PDCL2: variants seen among roughly 807,000 people sequenced by gnomAD.
The protein encoded by PDCL2 is phosducin like 2, also known as phosducin-like protein 2.
A neutral mutation model predicts 30.3 loss-of-function variants in PDCL2; 23 were observed. That is an observed-to-expected ratio of 0.76 (90% CI 0.55 to 1.08). The LOEUF is 1.08. PDCL2 is among the 50% of genes least tolerant of loss of function. The pLI, the probability that PDCL2 is intolerant of heterozygous loss-of-function variation, is 0.00. For missense variants in PDCL2, 243 were observed against 282.3 expected, an observed-to-expected ratio of 0.86 and a Z score of 1.00; for synonymous variants, 68 against 86.2, an observed-to-expected ratio of 0.79 and a Z score of 1.17.
intron 1 of PDCL2, among the ~76,000 whole-genome samples, chr4:55,586,517 T>C (rs1018838014): frequency 1.3e-5 from 2 of 152,242 alleles, no homozygotes; most frequent in Admixed American, 1.3e-4. Flanking sequence ...AATTCCATTC[T>C]TTTTTAAGGT....
intron 5 of PDCL2, among the ~76,000 whole-genome samples, chr4:55,557,094 T>A (rs1022342067): frequency 1.3e-5 from 2 of 152,172 alleles, no homozygotes; most frequent in African/African-American, 4.8e-5. Flanking sequence ...TACCTTGGCC[T>A]CCCAAAGTGC....
At chr4:55,581,092 C>T (rs1421346052) in intron 2 of PDCL2, among the ~76,000 whole-genome samples, 181 bp from the exon 3 acceptor site, 3 of 152,066 alleles carry the variant, frequency 2.0e-5, no homozygotes, top group Non-Finnish European at 4.4e-5. Flanking sequence ...GTCAGGAGTT[C>T]AAGACCAACC....
In PDCL2 at chr4:55,582,322, C is replaced by G. The variant is rs2110166253; in HGVS notation, c.7-85G>C. On this transcript the variant is annotated intron_variant, in intron 1 of 5. Coordinates refer to ENST00000295645, the MANE Select transcript of PDCL2 (RefSeq NM_152401.3). ...AAAATTCATTAAGATGTAGCACTTCCAAGTATTCAATTGTTCATGAACTCT... is the reference window on the plus strand; with the variant it reads ...AAAATTCATTAAGATGTAGCACTTCGAAGTATTCAATTGTTCATGAACTCT... 3 of 1,375,156 alleles carry G rather than the reference C, an allele frequency of 2.2e-6. No homozygotes were observed. In the East Asian group the frequency reaches 7.1e-5, roughly 33 times the overall value. 85.2% of individuals were successfully genotyped at this position (1,375,156 alleles called of 1,614,324 possible).
At chr4:55,572,006 AATG>A (rs756908744) in intron 3 of PDCL2, among the ~76,000 whole-genome samples, 44 of 152,164 alleles carry the variant, frequency 2.9e-4, no homozygotes, top group Non-Finnish European at 4.9e-4. Flanking sequence ...TTCTTGTTCC[AATG>A]ATGACACCAT....
At chr4:55,570,162 T>C (rs1215049365) in intron 3 of PDCL2, among the ~76,000 whole-genome samples, 1 of 152,210 alleles carries the variant, frequency 6.6e-6, no homozygotes, top group African/African-American at 2.4e-5. Flanking sequence ...CAACAAATTC[T>C]CATGTACAAG....
At chr4:55,588,311 T>C (rs975366083) in intron 1 of PDCL2, among the ~76,000 whole-genome samples, 2 of 152,168 alleles carry the variant, frequency 1.3e-5, no homozygotes, top group Admixed American at 6.6e-5. Flanking sequence ...CAAATGCATA[T>C]CTGATTGCTT....
At chr4:55,578,853 A>T (rs1330436515) in intron 3 of PDCL2, among the ~76,000 whole-genome samples, 1 of 152,136 alleles carries the variant, frequency 6.6e-6, no homozygotes, top group East Asian at 1.9e-4. Flanking sequence ...AAATTATGCA[A>T]TATCCTGTTT....
At chr4:55,562,688 C>T (rs1337868370) in intron 4 of PDCL2, 76 bp from the exon 5 acceptor site, 8 of 934,130 alleles carry the variant, frequency 8.6e-6, no homozygotes, top group East Asian at 2.9e-5. Context: ...AGTAAAATAT[C>T]GCCATGGCAA....
At chr4:55,573,167 G>GT (rs1449274812) in intron 3 of PDCL2, among the ~76,000 whole-genome samples, 4 of 152,054 alleles carry the variant, frequency 2.6e-5, no homozygotes, top group Non-Finnish European at 5.9e-5. Context: ...TATCCTTTTA[G>GT]TTTTTTAGCT....
chr4:55,573,791 T>G (rs538246787), intron 3 of PDCL2, among the ~76,000 whole-genome samples: 1 of 151,664 alleles, frequency 6.6e-6, no homozygotes, highest in Non-Finnish European at 1.5e-5. Flanking sequence ...TAGTGAACAA[T>G]TCTTCTTTTT....
intron 3 of PDCL2, among the ~76,000 whole-genome samples, chr4:55,572,979 C>T (rs1732467233): frequency 6.6e-6 from 1 of 152,082 alleles, no homozygotes; most frequent in South Asian, 2.1e-4. Context: ...AGGATGGTCT[C>T]GATCTCCTGA....
At chr4:55,589,401 A>G (rs1391192778) in intron 1 of PDCL2, among the ~76,000 whole-genome samples, 1 of 152,208 alleles carries the variant, frequency 6.6e-6, no homozygotes, top group African/African-American at 2.4e-5. Context: ...AGAGCACTAC[A>G]ATATATAACG....
At chr4:55,587,302 G>C (rs1732888243) in intron 1 of PDCL2, among the ~76,000 whole-genome samples, 1 of 148,182 alleles carries the variant, frequency 6.7e-6, no homozygotes, top group Non-Finnish European at 1.5e-5. Flanking sequence ...CCATTTATAA[G>C]GAAGGAGACT....
chr4:55,562,468 A>G lies in PDCL2; in HGVS notation c.507T>C (p.Asn169=), dbSNP rs1436082271. The change falls in exon 5 of 6, where the codon AAT becomes AAC. Residue 169 remains asparagine (N), a synonymous_variant. Coordinates refer to ENST00000295645, the MANE Select transcript of PDCL2 (RefSeq NM_152401.3). ...NCLPTIFVYK[N]GQIEAKFIGI... is the part of the protein sequence containing the mutation. ...CAATGAATTTGGCTTCTATCTGACC[A>G]TTTTTATACACAAAAATTGTTGGTA... 1 of 1,542,000 alleles carries G rather than the reference A, an allele frequency of 6.5e-7. No individual in the cohort carries two copies.
Position 55,562,461 on chromosome 4 carries a change from T to G in PDCL2, c.514A>C (p.Ile172Leu). ...ATAATTCCAATGAATTTGGCTTCTA[T>G]CTGACCATTTTTATACACAAAAATT... ...PTIFVYKNGQIEAKFIGIIEC... is the reference protein window; with the variant it reads ...PTIFVYKNGQLEAKFIGIIEC... The change falls in exon 5 of 6, where the codon ATA (isoleucine) becomes CTA (leucine). Residue 172 changes from isoleucine to leucine, a missense_variant. Coordinates refer to ENST00000295645, the MANE Select transcript of PDCL2 (RefSeq NM_152401.3). 6.5e-7 allele frequency: 1 copy of G among 1,538,990 alleles called. No homozygotes were observed. Among genetic ancestry groups the G allele is most frequent in the African/African-American group, 1.4e-5 (1 of 71,524 alleles).
intron 4 of PDCL2, among the ~76,000 whole-genome samples, chr4:55,567,385 C>A (rs1732295333): frequency 1.3e-5 from 2 of 151,896 alleles, no homozygotes; most frequent in Admixed American, 1.3e-4. Flanking sequence ...AATTTTAAAA[C>A]CTGGCCAGAT....
At chr4:55,579,105 T>C (rs1024532036) in intron 3 of PDCL2, among the ~76,000 whole-genome samples, 1 of 152,164 alleles carries the variant, frequency 6.6e-6, no homozygotes, top group Admixed American at 6.5e-5. Flanking sequence ...TCCTATCATA[T>C]AATTATTGAT....
chr4:55,557,778 G>A (rs1431631166), intron 5 of PDCL2, among the ~76,000 whole-genome samples: 4 of 151,914 alleles, frequency 2.6e-5, no homozygotes, highest in Admixed American at 2.6e-4. Context: ...AATTTATACT[G>A]AGGCACATTT....
In PDCL2 at chr4:55,582,134, A is replaced by T; in HGVS notation, c.110T>A (p.Leu37Ter). Residue 37 changes from leucine to a stop codon, truncating the protein, a stop_gained, in exon 2 of 6, where the codon TTA becomes TAA. Transcript: ENST00000295645. LOFTEE classifies it high-confidence loss of function. The stretch of plus-strand genomic sequence containing the variant: ...GACCATACCCATTGCTTCTTTCTGT[A>T]AACGTAAAACCATTTCTTCAATTTC... ...KDEIEEMVLR[L>*]QKEAMVKPFE... is the part of the protein sequence containing the mutation. 1 of 1,613,188 alleles carries T rather than the reference A, an allele frequency of 6.2e-7. No homozygotes were observed. Among genetic ancestry groups the T allele is most frequent in the Non-Finnish European group, 8.5e-7 (1 of 1,179,704 alleles).
Sources: gnomAD v4.1 joint callset for allele counts (sites outside exome capture counted in the v4.1 genomes callset) on GRCh38, gnomAD v4.1.1 for gene constraint, MANE v1.5 for transcripts, NCBI Gene and HGNC (gene_info 2026-07-23, HGNC 2026-07-21) for gene names.